The following RCSD1 variants were observed in gnomAD, a reference collection of about 807,000 sequenced individuals.
RCSD1 encodes RCSD domain containing 1.
Under a neutral mutation model 42.5 loss-of-function variants are expected in RCSD1, and 26 were observed. That is an observed-to-expected ratio of 0.61 (90% confidence interval 0.45 to 0.85). The LOEUF (loss-of-function observed/expected upper bound fraction) is 0.85, where lower values mean the gene tolerates loss of function less well. Ranked by LOEUF, RCSD1 falls within the 40% of genes least tolerant of loss-of-function variation. The probability of loss-of-function intolerance (pLI) is 0.00; values close to 1 mark genes in which losing one functional copy is unlikely to be tolerated. For missense variants in RCSD1, 571 were observed against 528.3 expected, an observed-to-expected ratio of 1.08 and a Z score of -0.79; for synonymous variants, 220 against 212.2, an observed-to-expected ratio of 1.04 and a Z score of -0.32.
intron 1 of RCSD1, among the ~76,000 whole-genome samples, chr1:167,642,475 TGA>T (rs1202693424): frequency 2.0e-5 from 3 of 152,186 alleles, no homozygotes; most frequent in African/African-American, 7.2e-5. Flanking sequence ...TGGGGGTGAT[TGA>T]GAGAGGCAAG....
intron 5 of RCSD1, among the ~76,000 whole-genome samples, chr1:167,695,349 C>A (rs1398088585): frequency 6.6e-6 from 1 of 152,198 alleles, no homozygotes. Flanking sequence ...TGGAACCCTG[C>A]TGGTCATGAG....
intron 1 of RCSD1, among the ~76,000 whole-genome samples, chr1:167,646,494 G>T (rs1444223034): frequency 7.5e-6 from 1 of 133,834 alleles, no homozygotes; most frequent in African/African-American, 2.9e-5. Flanking sequence ...TTTTGTGTGA[G>T]ACTTAGAGTT....
intron 1 of RCSD1, among the ~76,000 whole-genome samples, chr1:167,675,353 A>G (rs1435545140): frequency 1.3e-5 from 2 of 152,190 alleles, no homozygotes; most frequent in Non-Finnish European, 2.9e-5. Flanking sequence ...CACGGCCTAC[A>G]TGGCGGCAGG....
At position 167,630,384 on chromosome 1, in the gene RCSD1, C is replaced by G. The variant is rs777072649; in HGVS notation, c.-40C>G. On this transcript the variant is annotated 5_prime_UTR_variant, in exon 1 of 7. Transcript: ENST00000367854. ...CGGGGATCGTGAGCTCCGGCCCGGG[C>G]GAGCGGGTGCGTCTGCCGCAGAGTC... The G allele has an allele frequency of 1.3e-6, 2 of 1,500,008 alleles. No individual in the cohort carries two copies. Among genetic ancestry groups the G allele is most frequent in the Non-Finnish European group, 1.8e-6 (2 of 1,119,072 alleles). 92.9% of individuals were successfully genotyped at this position (1,500,008 alleles called of 1,614,324 possible). A position where few individuals can be genotyped will look rare whatever the true frequency, so the allele number is the denominator to read the frequency against.
In RCSD1 at chr1:167,630,386, A is replaced by G; in HGVS notation, c.-38A>G. 6.6e-7 allele frequency: 1 copy of G among 1,505,058 alleles called. No individual in the cohort carries two copies. Among genetic ancestry groups the G allele is most frequent in the Non-Finnish European group, 8.9e-7 (1 of 1,122,046 alleles). 93.2% of individuals were successfully genotyped at this position (1,505,058 alleles called of 1,614,324 possible). A position where few individuals can be genotyped will look rare whatever the true frequency, so the allele number is the denominator to read the frequency against. On this transcript the variant is annotated 5_prime_UTR_variant, in exon 1 of 7. Coordinates refer to ENST00000367854, the MANE Select transcript of RCSD1 (RefSeq NM_052862.4). ...GGGATCGTGAGCTCCGGCCCGGGCG[A>G]GCGGGTGCGTCTGCCGCAGAGTCGG...
intron 1 of RCSD1, among the ~76,000 whole-genome samples, chr1:167,637,446 G>T (rs182600095): frequency 1.1e-3 from 171 of 152,252 alleles, no homozygotes; most frequent in African/African-American, 3.9e-3. Flanking sequence ...GCGTTCAAAA[G>T]CTCCTCTAAT....
At chr1:167,638,886 C>A (rs748754099) in intron 1 of RCSD1, among the ~76,000 whole-genome samples, 1 of 152,172 alleles carries the variant, frequency 6.6e-6, no homozygotes, top group Non-Finnish European at 1.5e-5. Flanking sequence ...TACCAATGGT[C>A]GTACTTAAAG....
At chr1:167,693,291 C>G (rs1659419719) in intron 4 of RCSD1, among the ~76,000 whole-genome samples, 1 of 152,226 alleles carries the variant, frequency 6.6e-6, no homozygotes, top group African/African-American at 2.4e-5. Context: ...GAGGATCGGA[C>G]TCTCACGCAC....
At chr1:167,703,621 T>G (rs1659691869) in intron 6 of RCSD1, among the ~76,000 whole-genome samples, 1 of 152,220 alleles carries the variant, frequency 6.6e-6, no homozygotes, top group African/African-American at 2.4e-5. Flanking sequence ...ATAGGTTGTC[T>G]GCTCTCCTAT....
intron 1 of RCSD1, among the ~76,000 whole-genome samples, chr1:167,655,818 G>A (rs12068234): frequency 0.091 from 13,872 of 152,166 alleles, 972 homozygotes; most frequent in African/African-American, 0.19. Context: ...TGACAGCCCT[G>A]TAGAACCCGT....
At chr1:167,694,001 G>A in intron 4 of RCSD1, 98 bp from the exon 5 acceptor site, 2 of 1,161,946 alleles carry the variant, frequency 1.7e-6, no homozygotes, top group Non-Finnish European at 2.5e-6. Context: ...GTGTTACCTA[G>A]TCTCAACCAG....
chr1:167,631,110 T>C (rs1010562080), intron 1 of RCSD1, among the ~76,000 whole-genome samples: 1 of 152,248 alleles, frequency 6.6e-6, no homozygotes, highest in African/African-American at 2.4e-5. Context: ...TGGCCACATC[T>C]GCAGGCTTTG....
chr1:167,636,517 A>G (rs571822404), intron 1 of RCSD1, among the ~76,000 whole-genome samples: 31 of 152,218 alleles, frequency 2.0e-4, no homozygotes, highest in Middle Eastern at 3.4e-3. Flanking sequence ...ACTCTTTCCC[A>G]GGCTGAATCT....
At chr1:167,650,727 G>A (rs143875182) in intron 1 of RCSD1, among the ~76,000 whole-genome samples, 156 of 152,328 alleles carry the variant, frequency 1.0e-3, no homozygotes, top group Admixed American at 2.5e-3. Context: ...AGCAGGGAGT[G>A]GAGCCAATGG....
chr1:167,687,868 A>G (rs2102234284), intron 3 of RCSD1, among the ~76,000 whole-genome samples: 1 of 152,390 alleles, frequency 6.6e-6, no homozygotes, highest in African/African-American at 2.4e-5. Flanking sequence ...TGGAAGAACC[A>G]GCTGAAGTTG....
At chr1:167,644,493 ATACATAC>A (rs372963090) in intron 1 of RCSD1, among the ~76,000 whole-genome samples, 60,501 of 116,796 alleles carry the variant, frequency 0.52, 12,409 homozygotes, top group East Asian at 0.69. Context: ...AAATAAATAC[ATACATAC>A]ATACATACAT....
intron 1 of RCSD1, among the ~76,000 whole-genome samples, chr1:167,639,682 C>T (rs368297604): frequency 2.0e-4 from 30 of 152,280 alleles, no homozygotes; most frequent in African/African-American, 6.0e-4. Flanking sequence ...TTAATAGAGA[C>T]GGGGTTTCAC....
intron 1 of RCSD1, among the ~76,000 whole-genome samples, chr1:167,674,675 C>T (rs1220945898): frequency 6.6e-6 from 1 of 152,226 alleles, no homozygotes; most frequent in Non-Finnish European, 1.5e-5. Flanking sequence ...TACTTTCTTT[C>T]TCTCTGAATT....
intron 1 of RCSD1, among the ~76,000 whole-genome samples, chr1:167,648,066 A>G (rs1347145352): frequency 6.6e-6 from 1 of 152,202 alleles, no homozygotes; most frequent in Non-Finnish European, 1.5e-5. Flanking sequence ...CATAATTCTT[A>G]CATAATTTTA....
Sources: allele counts gnomAD v4.1 joint callset (sites outside exome capture counted in the v4.1 genomes callset), GRCh38; gene constraint gnomAD v4.1.1; transcripts MANE v1.5; gene names NCBI Gene and HGNC (gene_info 2026-07-23, HGNC 2026-07-21).